The following CFAP47 variants were observed in gnomAD, a reference collection of about 807,000 sequenced individuals.
CFAP47 encodes cilia- and flagella-associated protein 47.
In CFAP47, 29 loss-of-function variants were observed where a neutral mutation model predicts 148.1. The observed-to-expected ratio is 0.20, with a 90% CI of 0.15 to 0.27. The LOEUF is 0.27. CFAP47 is among the 10% of genes least tolerant of loss of function. The pLI is 1.00. For synonymous variants in CFAP47, 664 were observed against 577.3 expected (o/e 1.15, Z -2.15); for missense variants, 1,872 against 1,697.5 (o/e 1.10, Z -1.81).
At chrX:36,376,693 A>G (rs1381713686) in intron 62 of CFAP47, among the ~76,000 whole-genome samples, 2 of 111,034 alleles carry the variant, frequency 1.8e-5, no homozygotes, top group East Asian at 5.7e-4. Context: ...TTACATATGT[A>G]TACATGTGCC....
chrX:36,062,492 C>A (rs998357258), intron 26 of CFAP47, among the ~76,000 whole-genome samples: 8 of 111,378 alleles, frequency 7.2e-5, no homozygotes, highest in Admixed American at 6.7e-4. Context: ...AGCTAATGAC[C>A]AGAGAGATGA....
At chrX:36,231,535 G>A (rs1262115537) in intron 46 of CFAP47, among the ~76,000 whole-genome samples, 46 of 110,811 alleles carry the variant, frequency 4.2e-4, no homozygotes, top group South Asian at 1.6e-3. Flanking sequence ...GGTTTTCTAC[G>A]TATACAATCA....
intron 29 of CFAP47, among the ~76,000 whole-genome samples, chrX:36,083,766 T>G (rs1938029509): frequency 1.8e-5 from 2 of 111,504 alleles, no homozygotes; most frequent in African/African-American, 6.5e-5. Context: ...AACAAAATCC[T>G]TTAACATATT....
chrX:36,070,976 G>A (rs1035367512), intron 27 of CFAP47, among the ~76,000 whole-genome samples: 1 of 112,285 alleles, frequency 8.9e-6, no homozygotes, highest in Non-Finnish European at 1.9e-5. Context: ...GAATAAATAT[G>A]ACTGCAAAAC....
At chrX:36,097,536 G>GT (rs1248165137) in intron 30 of CFAP47, among the ~76,000 whole-genome samples, 8 of 109,278 alleles carry the variant, frequency 7.3e-5, no homozygotes, top group East Asian at 2.9e-4. Flanking sequence ...TTTTTGTTTT[G>GT]TTTTTTTTCT....
In CFAP47 at chrX:36,228,668, T is replaced by A; in HGVS notation, c.6858T>A (p.Pro2286=). The A allele has an allele frequency of 1.9e-6, 1 of 523,427 alleles. No individual in the cohort carries two copies. The highest frequency in any genetic ancestry group is 3.5e-6 in the Non-Finnish European group (1 of 286,041). The allele number at this position is 523,427 out of a possible 1,213,427, so 43.1% of individuals were successfully genotyped here. A position where few individuals can be genotyped will look rare whatever the true frequency, so the allele number is the denominator to read the frequency against. Residue 2286 remains proline, a synonymous_variant, in exon 46 of 64, where the codon CCT becomes CCA. Transcript: ENST00000378653. ...TTCCACTTCCTTTGCAATTTCTTCC[T>A]CTCCAATCTGGACGCTACCCTTGTA... The part of the protein sequence containing the change: ...GSVPLPLQFL[P]LQSGRYPCKI...
chrX:36,382,952 A>C (rs1942091640), intron 63 of CFAP47, among the ~76,000 whole-genome samples: 1 of 111,467 alleles, frequency 9.0e-6, no homozygotes, highest in Admixed American at 9.6e-5. Flanking sequence ...TATATCTTTA[A>C]ATTTTTTAAA....
chrX:36,361,509 T>G lies in CFAP47; in HGVS notation c.9023+8T>G. On this transcript the variant is annotated splice_region_variant and intron_variant, in intron 61 of 63. Coordinates refer to ENST00000378653, the MANE Select transcript of CFAP47 (RefSeq NM_001304548.2). ...ACCAAAGAAACCATTAAGGTAAATC[T>G]ACTTTCCTCTTTTTTATTTAAACAA... 1 of 911,287 alleles carries G rather than the reference T, an allele frequency of 1.1e-6. No individual in the cohort carries two copies. Among genetic ancestry groups the G allele is most frequent in the Non-Finnish European group, 1.5e-6 (1 of 674,398 alleles). The allele number at this position is 911,287 out of a possible 1,213,427, so 75.1% of individuals were successfully genotyped here. A position where few individuals can be genotyped will look rare whatever the true frequency, so the allele number is the denominator to read the frequency against.
In CFAP47 at chrX:35,924,408, T is replaced by C. The variant is rs902451340; in HGVS notation, c.250-1609T>C. On this transcript the variant is annotated intron_variant, in intron 1 of 63. Coordinates refer to ENST00000378653, the MANE Select transcript of CFAP47 (RefSeq NM_001304548.2). The stretch of plus-strand genomic sequence containing the variant: ...ACATATGTGTATATATGCACACACA[T>C]ATGTGTATATGCACACATATGTGTA... 4.0e-5 allele frequency among the ~76,000 whole-genome samples: 4 copies of C among 101,084 alleles called. 1 individual carries two copies. The highest frequency in any genetic ancestry group is 1.3e-4 in the African/African-American group (3 of 23,602). The allele number at this position is 101,084 out of a possible 115,157, so 87.8% of individuals were successfully genotyped here.
chrX:36,163,214 C>CT (rs1939450535), intron 39 of CFAP47, among the ~76,000 whole-genome samples: 1 of 111,691 alleles, frequency 9.0e-6, no homozygotes, highest in South Asian at 3.7e-4. Context: ...CCTTATAATC[C>CT]TTTTTTAATT....
At chrX:35,945,975 C>T (rs1202509837) in intron 3 of CFAP47, among the ~76,000 whole-genome samples, 4 of 106,657 alleles carry the variant, frequency 3.8e-5, no homozygotes, top group Non-Finnish European at 7.7e-5. Flanking sequence ...CAGGCTCAAC[C>T]GATTTTCCTG....
At chrX:36,146,374 G>T (rs1254248004) in intron 36 of CFAP47, among the ~76,000 whole-genome samples, 1 of 111,591 alleles carries the variant, frequency 9.0e-6, no homozygotes, top group African/African-American at 3.3e-5. Flanking sequence ...TTTAAATTAT[G>T]ATGTTAAAAA....
intron 45 of CFAP47, among the ~76,000 whole-genome samples, chrX:36,206,333 T>G (rs1291945419): frequency 5.4e-5 from 6 of 111,587 alleles, no homozygotes; most frequent in African/African-American, 1.9e-4. Context: ...TTAATCCCTT[T>G]TGAGATAACT....
intron 26 of CFAP47, among the ~76,000 whole-genome samples, chrX:36,063,947 A>G (rs1175606470): frequency 8.9e-6 from 1 of 112,243 alleles, no homozygotes; most frequent in Non-Finnish European, 1.9e-5. Context: ...AAACTTCCAT[A>G]CCCACAGGTG....
intron 62 of CFAP47, among the ~76,000 whole-genome samples, chrX:36,371,975 T>C (rs911977263): frequency 1.1e-5 from 1 of 92,771 alleles, no homozygotes. Flanking sequence ...CATGTGTATA[T>C]GTGTGTGTAT....
At chrX:36,238,242 C>G (rs1263965877) in intron 48 of CFAP47, among the ~76,000 whole-genome samples, 1 of 111,330 alleles carries the variant, frequency 9.0e-6, no homozygotes, top group Admixed American at 9.5e-5. Context: ...GAATAAGTCT[C>G]ATGAGATCTG....
At chrX:36,350,527 CT>C (rs1156407944) in intron 59 of CFAP47, among the ~76,000 whole-genome samples, 1 of 110,607 alleles carries the variant, frequency 9.0e-6, no homozygotes, top group Non-Finnish European at 1.9e-5. Context: ...ATGTGGATCC[CT>C]TTATTATTGT....
At chrX:36,201,831 A>G (rs782642800) in intron 44 of CFAP47, among the ~76,000 whole-genome samples, 1 of 110,405 alleles carries the variant, frequency 9.1e-6, no homozygotes, top group East Asian at 2.9e-4. Flanking sequence ...AAAATTAAAT[A>G]TGAATCACTA....
intron 48 of CFAP47, among the ~76,000 whole-genome samples, chrX:36,239,788 G>T (rs1397276815): frequency 1.8e-5 from 2 of 111,791 alleles, no homozygotes; most frequent in South Asian, 7.4e-4. Flanking sequence ...GGATGTTCAA[G>T]ATTGTGTACA....
Sources: allele counts gnomAD v4.1 joint callset (sites outside exome capture counted in the v4.1 genomes callset), GRCh38; gene constraint gnomAD v4.1.1; transcripts MANE v1.5; gene names NCBI Gene and HGNC (gene_info 2026-07-23, HGNC 2026-07-21).